RBFOX1: variants seen among roughly 807,000 people sequenced by gnomAD.
RBFOX1 encodes RNA binding protein fox-1 homolog 1.
Under a neutral mutation model 57.7 loss-of-function variants are expected in RBFOX1, and 8 were observed. The observed-to-expected ratio is 0.14, with a 90% confidence interval of 0.08 to 0.25. RBFOX1 has a LOEUF of 0.25. Ranked by LOEUF, RBFOX1 falls within the 10% of genes least tolerant of loss-of-function variation. The pLI, the probability that RBFOX1 is intolerant of heterozygous loss-of-function variation, is 1.00. For synonymous variants in RBFOX1, 326 were observed against 222.4 expected, an observed-to-expected ratio of 1.47 and a Z score of -4.15; for missense variants, 611 against 548.5, an observed-to-expected ratio of 1.11 and a Z score of -1.14.
intron 1 of RBFOX1, among the ~76,000 whole-genome samples, chr16:5,351,060 A>G (rs945266883): frequency 2.0e-5 from 3 of 152,068 alleles, no homozygotes; most frequent in Non-Finnish European, 2.9e-5. Context: ...TGAACCAGGT[A>G]TTGCGCTGGT....
chr16:6,935,415 A>T (rs543627946), intron 3 of RBFOX1, among the ~76,000 whole-genome samples: 1 of 152,330 alleles, frequency 6.6e-6, no homozygotes, highest in Admixed American at 6.5e-5. Flanking sequence ...AGTAGATCAT[A>T]AAAAGGAAAT....
intron 4 of RBFOX1, among the ~76,000 whole-genome samples, chr16:7,495,796 C>T (rs572264341): frequency 3.7e-4 from 56 of 152,222 alleles, no homozygotes; most frequent in Admixed American, 9.2e-4. Flanking sequence ...CTCAGAAATC[C>T]GCACTAGAGA....
At chr16:5,745,429 A>G (rs1035863033) in intron 3 of RBFOX1, among the ~76,000 whole-genome samples, 18 of 152,254 alleles carry the variant, frequency 1.2e-4, no homozygotes, top group African/African-American at 4.1e-4. Context: ...TTATAGCAGC[A>G]TGATTTACAA....
At chr16:6,806,838 T>TATATATA (rs1567331467) in intron 3 of RBFOX1, among the ~76,000 whole-genome samples, 85 of 48,080 alleles carry the variant, frequency 1.8e-3, no homozygotes, top group African/African-American at 5.6e-3. Flanking sequence ...ATATATATAT[T>TATATATA]TTTTTTTTTT....
At chr16:7,495,005 G>C (rs1342199951) in intron 4 of RBFOX1, among the ~76,000 whole-genome samples, 1 of 151,940 alleles carries the variant, frequency 6.6e-6, no homozygotes, top group Non-Finnish European at 1.5e-5. Flanking sequence ...CGTGTCTGTT[G>C]TTCCCTTATT....
intron 1 of RBFOX1, among the ~76,000 whole-genome samples, chr16:6,218,267 A>C (rs2097348936): frequency 6.8e-6 from 1 of 146,246 alleles, no homozygotes; most frequent in Non-Finnish European, 1.5e-5. Context: ...AAACAGGACT[A>C]GTGAAGTCTT....
chr16:6,612,863 A>AAAAAAAAAAAAT (rs59339311), intron 2 of RBFOX1, among the ~76,000 whole-genome samples: 1 of 132,242 alleles, frequency 7.6e-6, no homozygotes, highest in Non-Finnish European at 1.6e-5. Flanking sequence ...AAAAAAAAAA[A>AAAAAAAAAAAAT]AATAATAATA....
At chr16:7,273,592 C>G (rs2095382735) in intron 4 of RBFOX1, among the ~76,000 whole-genome samples, 1 of 152,082 alleles carries the variant, frequency 6.6e-6, no homozygotes, top group Admixed American at 6.6e-5. Context: ...AAGTTGCAAA[C>G]AAGATACTTA....
Position 6,220,729 on chromosome 16 carries a change from C to CT in RBFOX1, c.-126-96266_-126-96265insT, listed in dbSNP as rs1567708154. Among the ~76,000 whole-genome samples, 5 of 90,652 alleles carry CT rather than the reference C, an allele frequency of 5.5e-5. No individual in the cohort carries two copies. In the South Asian group the frequency reaches 1.1e-3, roughly 21 times the overall value. The allele number at this position is 90,652 out of a possible 152,430, so 59.5% of individuals were successfully genotyped here. A position where few individuals can be genotyped will look rare whatever the true frequency, so the allele number is the denominator to read the frequency against. ...ATAATGCTATGACTAACCGCCCCCC[C>CT]CCAGTGGAAAATAATGAAGAAAACA... On this transcript the variant is annotated intron_variant, in intron 1 of 15. Transcript: ENST00000550418.
chr16:5,891,538 T>G (rs1442971222), intron 4 of RBFOX1, among the ~76,000 whole-genome samples: 1 of 152,210 alleles, frequency 6.6e-6, no homozygotes, highest in East Asian at 1.9e-4. Context: ...CCGTTTTCCC[T>G]CATCCCCGAG....
At chr16:6,746,018 G>T (rs1035591320) in intron 3 of RBFOX1, among the ~76,000 whole-genome samples, 43 of 152,138 alleles carry the variant, frequency 2.8e-4, no homozygotes, top group African/African-American at 1.0e-3. Flanking sequence ...AATATCATTT[G>T]CAATAGCATT....
chr16:6,557,150 CACATATATATACACATATATATATAT>C (rs1567673170), intron 2 of RBFOX1, among the ~76,000 whole-genome samples: 1 of 144,570 alleles, frequency 6.9e-6, no homozygotes, highest in African/African-American at 2.6e-5. Context: ...CATATATACA[CACATATATATACACATATATATATAT>C]ACATATATAT....
At chr16:7,578,381 C>T (rs562128612) in intron 5 of RBFOX1, among the ~76,000 whole-genome samples, 1 of 152,196 alleles carries the variant, frequency 6.6e-6, no homozygotes, top group African/African-American at 2.4e-5. Context: ...TCTTTTGATA[C>T]CAGAGCATCT....
intron 3 of RBFOX1, among the ~76,000 whole-genome samples, chr16:6,738,318 A>G (rs1465327328): frequency 3.9e-5 from 6 of 152,062 alleles, no homozygotes; most frequent in Non-Finnish European, 8.8e-5. Context: ...GGGAACTGAG[A>G]TGAAGCCTGG....
At chr16:7,686,117 A>T (rs1470356654) in intron 14 of RBFOX1, among the ~76,000 whole-genome samples, 1 of 151,918 alleles carries the variant, frequency 6.6e-6, no homozygotes, top group Non-Finnish European at 1.5e-5. Flanking sequence ...AGATCCTGAC[A>T]CTTAGTTCTC....
intron 3 of RBFOX1, among the ~76,000 whole-genome samples, chr16:6,908,366 C>T (rs1436971367): frequency 6.8e-6 from 1 of 146,446 alleles, no homozygotes; most frequent in Non-Finnish European, 1.6e-5. Flanking sequence ...CCCTTCTAAC[C>T]CCGATGTGTG....
chr16:6,423,714 G>T (rs2093840534), intron 2 of RBFOX1, among the ~76,000 whole-genome samples: 1 of 152,174 alleles, frequency 6.6e-6, no homozygotes, highest in South Asian at 2.1e-4. Flanking sequence ...GGAGAGACAT[G>T]CCCCAGAGGA....
chr16:7,097,690 A>T (rs900153072), intron 4 of RBFOX1, among the ~76,000 whole-genome samples: 1 of 152,150 alleles, frequency 6.6e-6, no homozygotes, highest in Non-Finnish European at 1.5e-5. Context: ...TTTTCAAAGA[A>T]ACCTGCTCCC....
rs554218371 is a variant in RBFOX1, at chr16:6,633,138, C to T, written c.-63-21465C>T. Among the ~76,000 whole-genome samples, 33 of 152,308 alleles carry T rather than the reference C, an allele frequency of 2.2e-4. 1 individual carries two copies. In the South Asian group the frequency reaches 5.2e-3, roughly 24 times the overall value. On this transcript the variant is annotated intron_variant, in intron 2 of 15. Transcript: ENST00000550418. ...GTGCCCACTTCACAGATGCAGCTGA[C>T]GTGCACCCCTGTGCTGCGTGGGGAT...
Sources: allele counts gnomAD v4.1 joint callset (sites outside exome capture counted in the v4.1 genomes callset), GRCh38; gene constraint gnomAD v4.1.1; transcripts MANE v1.5; gene names NCBI Gene and HGNC (gene_info 2026-07-23, HGNC 2026-07-21).